Variants in MPZL1 observed in about 807,000 individuals in gnomAD.
The protein encoded by MPZL1 is myelin protein zero like 1.
Under a neutral mutation model 29.3 loss-of-function variants are expected in MPZL1, and 16 were observed. The observed-to-expected ratio is 0.55, with a 90% CI of 0.37 to 0.83. The LOEUF (loss-of-function observed/expected upper bound fraction) is 0.83, where lower values mean the gene tolerates loss of function less well. Ranked by LOEUF, MPZL1 falls within the 40% of genes least tolerant of loss-of-function variation. MPZL1 has a pLI of 0.00. For missense variants in MPZL1, 279 were observed against 332.9 expected, an observed-to-expected ratio of 0.84 and a Z score of 1.26; for synonymous variants, 143 against 132.0, an observed-to-expected ratio of 1.08 and a Z score of -0.57.
intron 1 of MPZL1, among the ~76,000 whole-genome samples, chr1:167,732,454 T>C (rs918394643): frequency 1.3e-5 from 2 of 152,188 alleles, no homozygotes; most frequent in Non-Finnish European, 2.9e-5. Flanking sequence ...TTTTCATTTT[T>C]AGAAATGTGG....
At chr1:167,772,157 G>A (rs1235977720) in intron 2 of MPZL1, 118 bp from the exon 3 acceptor site, 4 of 784,882 alleles carry the variant, frequency 5.1e-6, no homozygotes, top group Non-Finnish European at 8.3e-6. Context: ...GAGGGAGAGA[G>A]ATGTTGCATT....
chr1:167,755,182 AT>A (rs1300179732), intron 1 of MPZL1, among the ~76,000 whole-genome samples: 1 of 152,156 alleles, frequency 6.6e-6, no homozygotes, highest in Non-Finnish European at 1.5e-5. Context: ...GTATTTTTAA[AT>A]TTTTAAAAAT....
intron 5 of MPZL1, among the ~76,000 whole-genome samples, chr1:167,777,541 G>T (rs996842930): frequency 2.6e-5 from 4 of 151,576 alleles, no homozygotes; most frequent in African/African-American, 7.3e-5. Context: ...AGGAGGCTAA[G>T]ATTTATGAGG....
At chr1:167,765,428 A>G in intron 1 of MPZL1, 155 bp from the exon 2 acceptor site, 1 of 537,346 alleles carries the variant, frequency 1.9e-6, no homozygotes, top group Non-Finnish European at 3.2e-6. Flanking sequence ...TTCTGATTGA[A>G]CTTAGCTGTA....
chr1:167,775,591 G>T (rs1661349367), intron 4 of MPZL1, among the ~76,000 whole-genome samples: 1 of 152,150 alleles, frequency 6.6e-6, no homozygotes, highest in Non-Finnish European at 1.5e-5. Context: ...GCCAAGACTT[G>T]CCTGGATATA....
At chr1:167,760,422 T>G (rs1323562342) in intron 1 of MPZL1, among the ~76,000 whole-genome samples, 2 of 152,152 alleles carry the variant, frequency 1.3e-5, no homozygotes, top group Non-Finnish European at 2.9e-5. Context: ...CAGGATGGTC[T>G]TGATCTCCTG....
rs578158113 is a variant in MPZL1 at position 167,729,156 on chromosome 1, G to A, written c.91+6914G>A. Among the ~76,000 whole-genome samples the A allele has an allele frequency of 4.6e-5, 7 of 152,012 alleles. No individual in the cohort carries two copies. In the South Asian group the frequency reaches 1.3e-3, roughly 27 times the overall value. On this transcript the variant is annotated intron_variant, in intron 1 of 5. Transcript: ENST00000359523. Reference sequence around the variant, plus strand: ...GTGGTGGCGCACACCTATAATCCCAGCCACTTGGGAGGCTGAGGCATGAGA... The same window carrying A: ...GTGGTGGCGCACACCTATAATCCCAACCACTTGGGAGGCTGAGGCATGAGA...
chr1:167,748,131 G>A (rs188601517), intron 1 of MPZL1, among the ~76,000 whole-genome samples: 36 of 152,292 alleles, frequency 2.4e-4, no homozygotes, highest in African/African-American at 8.7e-4. Context: ...TTCATAAGAT[G>A]AGGGACATGT....
At chr1:167,778,752 A>G (rs955402817) in intron 5 of MPZL1, among the ~76,000 whole-genome samples, 1 of 152,086 alleles carries the variant, frequency 6.6e-6, no homozygotes, top group Non-Finnish European at 1.5e-5. Context: ...GAGGAAAGAA[A>G]TAGATATCTA....
At chr1:167,738,810 C>T (rs752713165) in intron 1 of MPZL1, among the ~76,000 whole-genome samples, 16 of 152,134 alleles carry the variant, frequency 1.1e-4, no homozygotes, top group Non-Finnish European at 2.1e-4. Flanking sequence ...CCCCAGAAGC[C>T]GAGCAAATGC....
At chr1:167,765,394 G>A (rs1427250624) in intron 1 of MPZL1, 189 bp from the exon 2 acceptor site, 2 of 369,360 alleles carry the variant, frequency 5.4e-6, no homozygotes, top group Non-Finnish European at 9.7e-6. Context: ...TAAACTGTCA[G>A]CAATTATTCT....
Position 167,765,727 on chromosome 1 carries a change from AG to A in MPZL1, c.241del (p.Ala81ProfsTer42), listed in dbSNP as rs1661102971. Reference protein sequence around the residue: ...LTSVSWSFQPEGADTTVSFFH... With the variant: ...LTSVSWSFQPXGADTTVSFFH... ...TCAGTCTCCTGGAGCTTCCAGCCAG[AG>A]GGGGCCGACACTACTGTGTCGGTAA... On this transcript the variant is annotated frameshift_variant, in exon 2 of 6. Transcript: ENST00000359523. LOFTEE classifies it high-confidence loss of function. 5.0e-6 allele frequency: 8 copies of A among 1,611,384 alleles called. No homozygotes were observed. The highest frequency in any genetic ancestry group is 6.8e-6 in the Non-Finnish European group (8 of 1,178,832).
chr1:167,738,051 G>C (rs1443601580), intron 1 of MPZL1, among the ~76,000 whole-genome samples: 1 of 152,076 alleles, frequency 6.6e-6, no homozygotes, highest in African/African-American at 2.4e-5. Context: ...TCAGCCTCTT[G>C]AGTTGCTGGG....
Position 167,734,199 on chromosome 1 carries a change from C to T in MPZL1, c.91+11957C>T, listed in dbSNP as rs1489454984. The stretch of plus-strand genomic sequence containing the variant: ...TGAACCCAGGAGGCAGAGCTTGCAA[C>T]GAGCCAAGATTGCGCCACTGCACTC... On this transcript the variant is annotated intron_variant, in intron 1 of 5. Transcript: ENST00000359523. 3.3e-5 allele frequency among the ~76,000 whole-genome samples: 5 copies of T among 150,340 alleles called. No homozygotes were observed. In the South Asian group the frequency reaches 8.5e-4, roughly 25 times the overall value.
chr1:167,729,164 G>T (rs1194096303), intron 1 of MPZL1, among the ~76,000 whole-genome samples: 3 of 151,914 alleles, frequency 2.0e-5, no homozygotes, highest in African/African-American at 7.3e-5. Context: ...CAGCCACTTG[G>T]GAGGCTGAGG....
intron 5 of MPZL1, among the ~76,000 whole-genome samples, chr1:167,784,163 T>A (rs549528084): frequency 6.6e-6 from 1 of 152,318 alleles, no homozygotes; most frequent in East Asian, 1.9e-4. Context: ...GAATAAATAA[T>A]TAATTTTGGT....
intron 5 of MPZL1, among the ~76,000 whole-genome samples, chr1:167,780,011 A>G (rs7540603): frequency 0.68 from 103,026 of 152,104 alleles, 35,158 homozygotes; most frequent in Admixed American, 0.75. Flanking sequence ...AGAAGACATA[A>G]TCCTAAATGT....
chr1:167,761,961 A>C (rs766453464), intron 1 of MPZL1, among the ~76,000 whole-genome samples: 1 of 152,136 alleles, frequency 6.6e-6, no homozygotes, highest in African/African-American at 2.4e-5. Context: ...TTAGTTTCTG[A>C]TGCAGCTTAG....
rs183567119 is a variant in MPZL1, at chr1:167,772,178, T to C, written c.259-97T>C. The C allele has an allele frequency of 2.2e-5, 21 of 957,900 alleles. No individual in the cohort carries two copies. In the East Asian group the frequency reaches 5.5e-4, roughly 25 times the overall value. 59.3% of individuals were successfully genotyped at this position (957,900 alleles called of 1,614,324 possible). On this transcript the variant is annotated intron_variant, in intron 2 of 5. Transcript: ENST00000359523. ...GAGAGATGTTGCATTTCTTTCCGTATGAAGTCTTTAAAAGAACCTTTCATA... is the reference window on the plus strand; with the variant it reads ...GAGAGATGTTGCATTTCTTTCCGTACGAAGTCTTTAAAAGAACCTTTCATA...
Sources: gnomAD v4.1 joint callset for allele counts (sites outside exome capture counted in the v4.1 genomes callset) on GRCh38, gnomAD v4.1.1 for gene constraint, MANE v1.5 for transcripts, NCBI Gene and HGNC (gene_info 2026-07-23, HGNC 2026-07-21) for gene names.